Variants in TAB2 observed in about 807,000 individuals in gnomAD.
TAB2 encodes the protein TGF-beta-activated kinase 1 and MAP3K7-binding protein 2.
In TAB2, 3 loss-of-function variants were observed where a neutral mutation model predicts 65.0. The ratio of observed to expected loss-of-function variants is 0.05; its 90% CI spans 0.02 to 0.12. TAB2 has a LOEUF of 0.12. Among genes scored for constraint, TAB2 ranks in the 10% least tolerant of loss-of-function variants. The pLI, the probability that TAB2 is intolerant of heterozygous loss-of-function variation, is 1.00. For synonymous variants in TAB2, 298 were observed against 285.1 expected (o/e 1.05, Z -0.46); for missense variants, 623 against 840.3 (o/e 0.74, Z 3.20).
chr6:149,229,974 T>G (rs1257229269), intron 1 of TAB2: 2 of 152,222 alleles, frequency 1.3e-5, no homozygotes, highest in Non-Finnish European at 2.9e-5. Flanking sequence ...GAAATATATT[T>G]GAACACCTCT....
At chr6:149,282,826 A>T (rs1778598513) in intron 1 of TAB2, among the ~76,000 whole-genome samples, 1 of 152,204 alleles carries the variant, frequency 6.6e-6, no homozygotes, top group African/African-American at 2.4e-5. Flanking sequence ...ATTGGCTGTC[A>T]TTACTCTTGG....
intron 1 of TAB2, among the ~76,000 whole-genome samples, chr6:149,265,219 A>C (rs961180087): frequency 2.0e-5 from 3 of 149,970 alleles, no homozygotes; most frequent in African/African-American, 7.4e-5. Context: ...AAAGCACAGC[A>C]GTTTCCAAGG....
chr6:149,281,214 A>G (rs1311036120), intron 1 of TAB2, among the ~76,000 whole-genome samples: 2 of 152,172 alleles, frequency 1.3e-5, no homozygotes, highest in African/African-American at 4.8e-5. Flanking sequence ...TGTGAAAAAT[A>G]TATAACAATA....
intron 1 of TAB2, among the ~76,000 whole-genome samples, chr6:149,239,867 T>C (rs1426146128): frequency 2.6e-5 from 4 of 152,208 alleles, no homozygotes; most frequent in Non-Finnish European, 5.9e-5. Flanking sequence ...GTAGACAGTG[T>C]GTCCAACAGG....
intron 2 of TAB2, among the ~76,000 whole-genome samples, chr6:149,372,157 T>G (rs1237099588): frequency 6.6e-6 from 1 of 151,992 alleles, no homozygotes; most frequent in African/African-American, 2.4e-5. Context: ...CATAGAGCCT[T>G]TTGTAGAATT....
At chr6:149,266,053 C>A (rs1186644697) in intron 1 of TAB2, among the ~76,000 whole-genome samples, 2 of 152,126 alleles carry the variant, frequency 1.3e-5, no homozygotes, top group African/African-American at 4.8e-5. Context: ...AATGTTATGC[C>A]CTCAAATTAA....
At chr6:149,271,533 A>G (rs1018985556) in intron 1 of TAB2, among the ~76,000 whole-genome samples, 3 of 152,184 alleles carry the variant, frequency 2.0e-5, no homozygotes, top group African/African-American at 7.2e-5. Flanking sequence ...GCAGAGCACA[A>G]GCTACTTCCT....
chr6:149,407,849 A>T (rs1782719622), intron 6 of TAB2, among the ~76,000 whole-genome samples: 1 of 152,022 alleles, frequency 6.6e-6, no homozygotes, highest in African/African-American at 2.4e-5. Flanking sequence ...TTTTTCATTT[A>T]AGAAAAATTT....
At chr6:149,281,547 T>C (rs6921428) in intron 1 of TAB2, among the ~76,000 whole-genome samples, 64,103 of 112,250 alleles carry the variant, frequency 0.57, 18,328 homozygotes, top group African/African-American at 0.83. Context: ...CACAGCAAGA[T>C]GCCATCTCAA....
intron 1 of TAB2, among the ~76,000 whole-genome samples, chr6:149,306,553 GTC>G (rs1295831874): frequency 2.2e-5 from 2 of 90,402 alleles, no homozygotes; most frequent in African/African-American, 1.6e-4. Context: ...GCAAGACTCC[GTC>G]TCAAAAAAAA....
intron 3 of TAB2, among the ~76,000 whole-genome samples, chr6:149,386,946 CT>C (rs1257436695): frequency 5.3e-5 from 8 of 152,146 alleles, no homozygotes; most frequent in African/African-American, 9.7e-5. Context: ...CCTTTGCCTA[CT>C]TTTAAATTAG....
At chr6:149,276,780 CT>C (rs1170566719) in intron 1 of TAB2, among the ~76,000 whole-genome samples, 3 of 152,228 alleles carry the variant, frequency 2.0e-5, no homozygotes, top group Middle Eastern at 3.4e-3. Flanking sequence ...ATGATTATAT[CT>C]TTTATTCAAC....
At chr6:149,250,604 C>G (rs988559592) in intron 1 of TAB2, among the ~76,000 whole-genome samples, 13 of 152,152 alleles carry the variant, frequency 8.5e-5, no homozygotes, top group Admixed American at 4.6e-4. Context: ...CCATGCCCAG[C>G]CAACCAAACT....
At chr6:149,267,529 G>A (rs942474334) in intron 1 of TAB2, among the ~76,000 whole-genome samples, 18 of 152,146 alleles carry the variant, frequency 1.2e-4, no homozygotes, top group South Asian at 2.1e-4. Flanking sequence ...TTAGCTCTAA[G>A]AGGGTAGGGA....
chr6:149,366,724 TACTC>T (rs1237917304), intron 1 of TAB2, among the ~76,000 whole-genome samples: 1 of 152,184 alleles, frequency 6.6e-6, no homozygotes, highest in African/African-American at 2.4e-5. Flanking sequence ...TGGTAGGCGT[TACTC>T]AGCCATCACA....
At chr6:149,328,850 A>T (rs1779696411) in intron 1 of TAB2, among the ~76,000 whole-genome samples, 1 of 152,316 alleles carries the variant, frequency 6.6e-6, no homozygotes, top group East Asian at 1.9e-4. Context: ...TCAGTAAGGG[A>T]TGAAAGGATA....
intron 1 of TAB2, among the ~76,000 whole-genome samples, chr6:149,236,233 AAAAAT>A (rs1013700852): frequency 2.6e-5 from 4 of 152,170 alleles, no homozygotes; most frequent in African/African-American, 9.7e-5. Flanking sequence ...CTAAATATAT[AAAAAT>A]AAAATAAAAT....
chr6:149,277,126 G>T (rs1414880690), intron 1 of TAB2, among the ~76,000 whole-genome samples: 2 of 152,286 alleles, frequency 1.3e-5, no homozygotes, highest in South Asian at 4.1e-4. Flanking sequence ...AGCCATGTGG[G>T]ACTGTGAGTA....
At chr6:149,312,403 C>T (rs1049053072) in intron 1 of TAB2, among the ~76,000 whole-genome samples, 10 of 152,198 alleles carry the variant, frequency 6.6e-5, no homozygotes, top group African/African-American at 1.4e-4. Flanking sequence ...TCACTTGTCA[C>T]GCAGGCTGGA....
Sources: allele counts gnomAD v4.1 joint callset (sites outside exome capture counted in the v4.1 genomes callset), GRCh38; gene constraint gnomAD v4.1.1; transcripts MANE v1.5; gene names NCBI Gene and HGNC (gene_info 2026-07-23, HGNC 2026-07-21).